The following MED25 variants were observed in gnomAD, a reference collection of about 807,000 sequenced individuals.
MED25 encodes mediator of RNA polymerase II transcription subunit 25.
Under a neutral mutation model 89.4 loss-of-function variants are expected in MED25, and 62 were observed. The observed-to-expected ratio is 0.69, with a 90% CI of 0.57 to 0.86. MED25 has a LOEUF of 0.86. Among genes scored for constraint, MED25 ranks in the 40% least tolerant of loss-of-function variants. The pLI, the probability that MED25 is intolerant of heterozygous loss-of-function variation, is 0.00. For missense variants in MED25, 905 were observed against 1,005.2 expected (o/e 0.90, Z 1.35); for synonymous variants, 449 against 427.9 (o/e 1.05, Z -0.61).
chr19:49,826,830 T>A (rs2074018901), intron 3 of MED25, among the ~76,000 whole-genome samples: 1 of 152,124 alleles, frequency 6.6e-6, no homozygotes, highest in Non-Finnish European at 1.5e-5. Flanking sequence ...ATGTCTGGGC[T>A]TTGTCAGTTG....
At position 49,825,488 on chromosome 19, in the gene MED25, C is replaced by T. The variant is rs532472365; in HGVS notation, c.306-2961C>T. On this transcript the variant is annotated intron_variant, in intron 3 of 17. Coordinates refer to ENST00000312865, the MANE Select transcript of MED25 (RefSeq NM_030973.4). The stretch of plus-strand genomic sequence containing the variant: ...CTTGAACTCCTGACCTCAAGTGATC[C>T]GCCCACCTCGGCCTCCCAAAGTGCT... Among the ~76,000 whole-genome samples, 216 of 152,090 alleles carry T rather than the reference C, an allele frequency of 1.4e-3. 1 individual carries two copies. The highest frequency in any genetic ancestry group is 4.8e-3 in the African/African-American group (199 of 41,520).
At position 49,829,235 on chromosome 19, in the gene MED25, G is replaced by T; in HGVS notation, c.525+145G>T. 2 of 715,532 alleles carry T rather than the reference G, an allele frequency of 2.8e-6. No individual in the cohort carries two copies. The highest frequency in any genetic ancestry group is 1.5e-5 in the South Asian group (1 of 64,652). The allele number at this position is 715,532 out of a possible 1,614,324, so 44.3% of individuals were successfully genotyped here. A position where few individuals can be genotyped will look rare whatever the true frequency, so the allele number is the denominator to read the frequency against. On this transcript the variant is annotated intron_variant, in intron 5 of 17. Transcript: ENST00000312865. The surrounding 1 kb of genome is among the most constrained non-coding windows in gnomAD (Gnocchi z 4.6). ...TCTTGGGTCTAAGCGGGGAGGCACT[G>T]GGGGCCTGGACTCAGACACAGAATA...
downstream of MED25, chr19:49,836,988 C>T (rs772850859): frequency 6.8e-7 from 1 of 1,466,102 alleles, no homozygotes; most frequent in Admixed American, 1.8e-5. The surrounding 1 kb of genome is among the most constrained non-coding windows in gnomAD (Gnocchi z 5.1). Flanking sequence ...CACGCCCCGG[C>T]TCCCGTCACT....
Position 49,832,310 on chromosome 19 carries a change from C to T in MED25, c.1377C>T (p.Thr459=), listed in dbSNP as rs374928221. The change falls in exon 13 of 18, where the codon ACC becomes ACT. Residue 459 remains threonine (T), a splice_region_variant and synonymous_variant. Coordinates refer to ENST00000312865, the MANE Select transcript of MED25 (RefSeq NM_030973.4). ...GCCGACTTCTGTGTCTCCCGCAGAC[C>T]ACCCTGGGCCCTTTGTTCCGGAACT... The part of the protein sequence containing the change: ...IMQLIPQQLL[T]TLGPLFRNSR... The T allele has an allele frequency of 1.7e-4, 271 of 1,602,590 alleles. No individual in the cohort carries two copies. The highest frequency in any genetic ancestry group is 2.2e-4 in the Non-Finnish European group (262 of 1,172,896).
At chr19:49,825,096 T>C (rs528842814) in intron 3 of MED25, among the ~76,000 whole-genome samples, 2 of 152,324 alleles carry the variant, frequency 1.3e-5, no homozygotes, top group East Asian at 3.9e-4. Context: ...CTTCTTCTGT[T>C]CAAGTTTTCC....
chr19:49,832,712 C>T (rs1385929339), intron 13 of MED25, among the ~76,000 whole-genome samples: 2 of 152,178 alleles, frequency 1.3e-5, no homozygotes, highest in Non-Finnish European at 2.9e-5. Flanking sequence ...TTTCCTGTGG[C>T]TGTGGTAACA....
downstream of MED25, chr19:49,837,008 C>T (rs2074104349): frequency 2.3e-6 from 3 of 1,292,420 alleles, no homozygotes; most frequent in Non-Finnish European, 3.3e-6. Flanking sequence ...TGACATCCCT[C>T]AGGACTGGGC....
intron 3 of MED25, among the ~76,000 whole-genome samples, chr19:49,828,019 G>A (rs1568621648): frequency 6.6e-6 from 1 of 152,146 alleles, no homozygotes; most frequent in African/African-American, 2.4e-5. Context: ...CATGAGGTCA[G>A]GAGATGGAGA....
chr19:49,832,267 G>C, intron 12 of MED25, 41 bp from the exon 13 acceptor site: 1 of 1,519,162 alleles, frequency 6.6e-7, no homozygotes, highest in Non-Finnish European at 9.1e-7. Flanking sequence ...CGCCTCACTT[G>C]CCCACACCAG....
At chr19:49,826,569 A>G (rs929886170) in intron 3 of MED25, among the ~76,000 whole-genome samples, 1 of 152,252 alleles carries the variant, frequency 6.6e-6, no homozygotes, top group Admixed American at 6.5e-5. Context: ...TACTCAGCAG[A>G]TGGTTCCTAG....
intron 3 of MED25, among the ~76,000 whole-genome samples, chr19:49,826,017 CTT>C (rs993612013): frequency 5.3e-5 from 8 of 152,178 alleles, no homozygotes; most frequent in East Asian, 1.9e-4. Context: ...CACCCCAACT[CTT>C]TGCACACAGT....
downstream of MED25, among the ~76,000 whole-genome samples, chr19:49,837,558 C>T (rs2074108387): frequency 1.3e-5 from 2 of 152,112 alleles, no homozygotes; most frequent in Non-Finnish European, 1.5e-5. Flanking sequence ...AGAAAGACCC[C>T]TCTCAGCTGT....
At chr19:49,827,969 C>A (rs564297832) in intron 3 of MED25, among the ~76,000 whole-genome samples, 1 of 152,234 alleles carries the variant, frequency 6.6e-6, no homozygotes, top group Non-Finnish European at 1.5e-5. Context: ...GTGGCTCACT[C>A]CTGCAATCCC....
downstream of MED25, chr19:49,837,105 C>T (rs897672941): frequency 8.6e-5 from 60 of 697,906 alleles, no homozygotes; most frequent in East Asian, 7.9e-4. Flanking sequence ...CTGGGGCCTC[C>T]GTGGTGAGTC....
intron 3 of MED25, among the ~76,000 whole-genome samples, chr19:49,823,176 ACTC>A (rs1832977166): frequency 6.6e-6 from 1 of 151,282 alleles, no homozygotes; most frequent in South Asian, 2.1e-4. Context: ...CTGGTCTTGA[ACTC>A]CTGGCCTCAA....
intron 3 of MED25, among the ~76,000 whole-genome samples, chr19:49,826,583 T>C (rs1341019298): frequency 6.6e-6 from 1 of 152,182 alleles, no homozygotes; most frequent in Admixed American, 6.5e-5. Flanking sequence ...TTCCTAGGCC[T>C]TGTGTGACCT....
chr19:49,840,073 G>A (rs2074123615), downstream of MED25: 1 of 152,056 alleles, frequency 6.6e-6, no homozygotes, highest in South Asian at 2.1e-4. Flanking sequence ...TTTCCGTTAC[G>A]AACCTGAATC....
intron 3 of MED25, among the ~76,000 whole-genome samples, chr19:49,823,442 C>T (rs2073996548): frequency 6.6e-6 from 1 of 152,142 alleles, no homozygotes; most frequent in Non-Finnish European, 1.5e-5. Context: ...TAATACAGTG[C>T]CTGGCATGTA....
chr19:49,836,252 G>A lies in MED25; in HGVS notation c.1992G>A (p.Gln664=). 6.2e-7 allele frequency: 1 copy of A among 1,612,474 alleles called. No homozygotes were observed. Among genetic ancestry groups the A allele is most frequent in the Middle Eastern group, 1.7e-4 (1 of 5,880 alleles). The part of the protein sequence containing the change: ...PPPQTGVPPP[Q]ASLHHLQPPG... ...CGCAGACTGGGGTGCCCCCACCCCAGGCCTCCCTCCACCACCTCCAGCCAC... is the reference window on the plus strand; with the variant it reads ...CGCAGACTGGGGTGCCCCCACCCCAAGCCTCCCTCCACCACCTCCAGCCAC... The change falls in exon 17 of 18, where the codon CAG becomes CAA. Residue 664 remains glutamine, a synonymous_variant. Transcript: ENST00000312865. The surrounding 1 kb of genome is among the most constrained non-coding windows in gnomAD (Gnocchi z 5.1).
Sources: allele counts gnomAD v4.1 joint callset (sites outside exome capture counted in the v4.1 genomes callset), GRCh38; gene constraint gnomAD v4.1.1; non-coding constraint Gnocchi (gnomAD v3.1); transcripts MANE v1.5; gene names NCBI Gene and HGNC (gene_info 2026-07-23, HGNC 2026-07-21).